Variants in PLSCR1 observed in about 807,000 individuals in gnomAD.
PLSCR1 encodes the protein PL scramblase 1.
Under a neutral mutation model 37.8 loss-of-function variants are expected in PLSCR1, and 17 were observed. That is an observed-to-expected ratio of 0.45 (90% CI 0.31 to 0.68). PLSCR1 has a LOEUF of 0.68. PLSCR1 is among the 30% of genes least tolerant of loss of function. PLSCR1 has a pLI of 0.06. For missense variants in PLSCR1, 347 were observed against 380.9 expected, an observed-to-expected ratio of 0.91 and a Z score of 0.74; for synonymous variants, 116 against 125.9, an observed-to-expected ratio of 0.92 and a Z score of 0.53.
chr3:146,535,455 C>A (rs1040153819), intron 2 of PLSCR1, among the ~76,000 whole-genome samples: 9 of 152,100 alleles, frequency 5.9e-5, no homozygotes, highest in Admixed American at 3.9e-4. Context: ...TGAAATGCAA[C>A]TTAAAATGGC....
In PLSCR1 at chr3:146,525,036, C is replaced by T. The variant is rs1050847628; in HGVS notation, c.355+569G>A. ...TTTTTGCACCTAAGGAGCCCTGGAC[C>T]CAAGGAAATGTCAGGCCATTCAGCA... On this transcript the variant is annotated intron_variant, in intron 5 of 8. Transcript: ENST00000342435. 5.3e-5 allele frequency among the ~76,000 whole-genome samples: 8 copies of T among 152,230 alleles called. No homozygotes were observed. The East Asian group carries it at 1.5e-3, about 29-fold the overall frequency.
At chr3:146,531,238 T>C (rs185702187) in intron 3 of PLSCR1, among the ~76,000 whole-genome samples, 2 of 152,246 alleles carry the variant, frequency 1.3e-5, no homozygotes, top group East Asian at 1.9e-4. Context: ...GTAACTAACA[T>C]AGGCCTTTAA....
At chr3:146,519,053 T>C (rs1020269731) in intron 7 of PLSCR1, among the ~76,000 whole-genome samples, 3 of 152,180 alleles carry the variant, frequency 2.0e-5, no homozygotes, top group Non-Finnish European at 2.9e-5. Flanking sequence ...ATATTAATAG[T>C]TGCTGGTAAG....
At chr3:146,540,297 T>C (rs989009929) in intron 1 of PLSCR1, among the ~76,000 whole-genome samples, 3 of 152,214 alleles carry the variant, frequency 2.0e-5, no homozygotes, top group Admixed American at 1.3e-4. Context: ...GCATCATATA[T>C]TATTTGCATA....
intron 3 of PLSCR1, among the ~76,000 whole-genome samples, chr3:146,530,844 A>C (rs1483008400): frequency 1.3e-5 from 2 of 152,186 alleles, no homozygotes; most frequent in African/African-American, 2.4e-5. Flanking sequence ...TAAGCAGAAG[A>C]ATGAGTTCCA....
chr3:146,523,250 A>G (rs2108630830), intron 5 of PLSCR1, among the ~76,000 whole-genome samples: 1 of 152,310 alleles, frequency 6.6e-6, no homozygotes, highest in Non-Finnish European at 1.5e-5. Context: ...GACACTGGAA[A>G]CAAGTTATAT....
chr3:146,520,938 T>C (rs940298586), intron 7 of PLSCR1, among the ~76,000 whole-genome samples: 1 of 152,210 alleles, frequency 6.6e-6, no homozygotes, highest in African/African-American at 2.4e-5. Flanking sequence ...CCATCTGTTG[T>C]TGAAGAGCTA....
At chr3:146,533,063 T>C (rs766010648) in intron 3 of PLSCR1, among the ~76,000 whole-genome samples, 2 of 152,194 alleles carry the variant, frequency 1.3e-5, no homozygotes, top group Non-Finnish European at 2.9e-5. Flanking sequence ...AGCTACTACA[T>C]GACTCAGTTT....
At chr3:146,539,140 T>C (rs2044304504) in intron 1 of PLSCR1, among the ~76,000 whole-genome samples, 2 of 152,190 alleles carry the variant, frequency 1.3e-5, no homozygotes, top group African/African-American at 4.8e-5. Context: ...CCTGAGCTTG[T>C]TTTCCCGCAA....
intron 1 of PLSCR1, among the ~76,000 whole-genome samples, chr3:146,541,808 A>C (rs540775377): frequency 5.3e-5 from 8 of 152,242 alleles, no homozygotes; most frequent in Non-Finnish European, 1.0e-4. Flanking sequence ...TTAGTTTATA[A>C]GCACTCTACC....
chr3:146,543,663 C>A (rs1414031314), intron 1 of PLSCR1, among the ~76,000 whole-genome samples: 1 of 152,238 alleles, frequency 6.6e-6, no homozygotes, highest in Non-Finnish European at 1.5e-5. Flanking sequence ...CTTGGAGAAG[C>A]AGGAACTTTG....
chr3:146,539,579 A>G (rs1393525771), intron 1 of PLSCR1, among the ~76,000 whole-genome samples: 1 of 152,218 alleles, frequency 6.6e-6, no homozygotes, highest in Non-Finnish European at 1.5e-5. Flanking sequence ...AAGGTCAGAG[A>G]TCATTCTCTC....
rs2108613345 is a variant in PLSCR1 at position 146,515,959 on chromosome 3, A to C, written c.*86T>G. 2.5e-6 allele frequency: 2 copies of C among 807,252 alleles called. No homozygotes were observed. Among genetic ancestry groups the C allele is most frequent in the Non-Finnish European group, 4.2e-6 (2 of 480,480 alleles). The allele number at this position is 807,252 out of a possible 1,614,324, so 50.0% of individuals were successfully genotyped here. On this transcript the variant is annotated 3_prime_UTR_variant, in exon 9 of 9. Coordinates refer to ENST00000342435, the MANE Select transcript of PLSCR1 (RefSeq NM_021105.3). ...GTATACAACCAGAGCTACAGGCCTTACAGCTTAATTCATACAGGTATGAGT... is the reference window on the plus strand; with the variant it reads ...GTATACAACCAGAGCTACAGGCCTTCCAGCTTAATTCATACAGGTATGAGT...
chr3:146,516,571 T>C (rs2043949663), intron 8 of PLSCR1: 1 of 168,476 alleles, frequency 5.9e-6, no homozygotes, highest in Non-Finnish European at 1.3e-5. Flanking sequence ...GGTAGTTAGG[T>C]CTACACACTT....
At chr3:146,539,302 A>G (rs1052330699) in intron 1 of PLSCR1, among the ~76,000 whole-genome samples, 2 of 152,166 alleles carry the variant, frequency 1.3e-5, no homozygotes, top group Admixed American at 6.5e-5. Flanking sequence ...CTGATCTGAC[A>G]GGAGGTTGAG....
chr3:146,542,131 G>C (rs1355547560), intron 1 of PLSCR1, among the ~76,000 whole-genome samples: 2 of 152,172 alleles, frequency 1.3e-5, no homozygotes, highest in African/African-American at 4.8e-5. Context: ...TGCTATACAG[G>C]TTTCTAGCCT....
At position 146,516,946 on chromosome 3, in the gene PLSCR1, T is replaced by C. The variant is rs2043955069; in HGVS notation, c.900+60A>G. 2.9e-6 allele frequency: 3 copies of C among 1,033,086 alleles called. No homozygotes were observed. The East Asian group carries it at 8.1e-5, about 28-fold the overall frequency. 64.0% of individuals were successfully genotyped at this position (1,033,086 alleles called of 1,614,324 possible). A position where few individuals can be genotyped will look rare whatever the true frequency, so the allele number is the denominator to read the frequency against. On this transcript the variant is annotated intron_variant, in intron 8 of 8. Coordinates refer to ENST00000342435, the MANE Select transcript of PLSCR1 (RefSeq NM_021105.3). ...ATTTTGAAATATACACTTTACTGAA[T>C]CATTTCAGAATGAACCTAGAGAAAG...
At chr3:146,529,102 AAAAT>A (rs1277601608) in intron 3 of PLSCR1, among the ~76,000 whole-genome samples, 1 of 152,244 alleles carries the variant, frequency 6.6e-6, no homozygotes, top group Non-Finnish European at 1.5e-5. Flanking sequence ...TGAGAAAATG[AAAAT>A]AAATAACCAT....
intron 1 of PLSCR1, among the ~76,000 whole-genome samples, chr3:146,542,642 G>T (rs1443499417): frequency 6.6e-6 from 1 of 152,110 alleles, no homozygotes; most frequent in South Asian, 2.1e-4. Flanking sequence ...CTTCTTAAAA[G>T]AACATATGGA....
Sources: allele counts gnomAD v4.1 joint callset (sites outside exome capture counted in the v4.1 genomes callset), GRCh38; gene constraint gnomAD v4.1.1; transcripts MANE v1.5; gene names NCBI Gene and HGNC (gene_info 2026-07-23, HGNC 2026-07-21).